ZNF33B: variants seen among roughly 807,000 people sequenced by gnomAD.
ZNF33B encodes the protein zinc finger protein 33B, also known as zinc finger protein 11b (KOX 2).
A neutral mutation model predicts 45.8 loss-of-function variants in ZNF33B; 29 were observed. The observed-to-expected ratio is 0.63, with a 90% confidence interval of 0.47 to 0.86. The LOEUF is 0.86. Ranked by LOEUF, ZNF33B falls within the 40% of genes least tolerant of loss-of-function variation. The pLI, the probability that ZNF33B is intolerant of heterozygous loss-of-function variation, is 0.00. For missense variants in ZNF33B, 831 were observed against 909.9 expected (o/e 0.91, Z 1.12); for synonymous variants, 305 against 307.8 (o/e 0.99, Z 0.10).
chr10:42,592,563 C>CT lies in ZNF33B; in HGVS notation c.*49dup, dbSNP rs778329067. On this transcript the variant is annotated 3_prime_UTR_variant, in exon 5 of 5. Coordinates refer to ENST00000359467, the MANE Select transcript of ZNF33B (RefSeq NM_006955.3). ...GGCCCTTCTCCACAGTGTGAAGACT[C>CT]TGAGGCATTATGGAGGCTGACTTGT... 2.5e-6 allele frequency: 4 copies of CT among 1,579,740 alleles called. No individual in the cohort carries two copies. Among genetic ancestry groups the CT allele is most frequent in the East Asian group, 4.5e-5 (2 of 44,734 alleles).
intron 2 of ZNF33B, among the ~76,000 whole-genome samples, chr10:42,634,941 T>C (rs780601797): frequency 8.5e-5 from 13 of 152,296 alleles, no homozygotes; most frequent in African/African-American, 3.1e-4. Context: ...ACTTTTTCTG[T>C]AAAAAATCAG....
At chr10:42,619,867 A>C (rs115476920) in intron 4 of ZNF33B, among the ~76,000 whole-genome samples, 2,586 of 152,260 alleles carry the variant, frequency 0.017, 78 homozygotes, top group African/African-American at 0.059. Flanking sequence ...TATCTTAAAA[A>C]TGTACACAGA....
At chr10:42,584,192 C>A (rs1836882117), downstream of ZNF33B, among the ~76,000 whole-genome samples, 1 of 152,228 alleles carries the variant, frequency 6.6e-6, no homozygotes, top group Admixed American at 6.5e-5. Flanking sequence ...ACAGGACCAA[C>A]TCTTGGAGGG....
chr10:42,596,115 C>A (rs1388562408), intron 4 of ZNF33B, among the ~76,000 whole-genome samples: 2 of 151,614 alleles, frequency 1.3e-5, no homozygotes, highest in Middle Eastern at 3.4e-3. Context: ...TATGTTATTG[C>A]AGTCCTTAAA....
At chr10:42,577,004 G>A (rs1268442314) in intron 1 of ZNF33B, among the ~76,000 whole-genome samples, 6 of 152,088 alleles carry the variant, frequency 3.9e-5, no homozygotes, top group South Asian at 2.1e-4. Flanking sequence ...GTGGTGGCAG[G>A]CGCCTGTAGT....
intron 1 of ZNF33B, chr10:42,578,706 A>G (rs1183576917): frequency 6.6e-6 from 1 of 152,314 alleles, no homozygotes; most frequent in Non-Finnish European, 1.5e-5. Context: ...ACCACCTCTA[A>G]CATCCAGTCC....
At chr10:42,610,261 CAT>C (rs1240461242) in intron 4 of ZNF33B, among the ~76,000 whole-genome samples, 1 of 152,190 alleles carries the variant, frequency 6.6e-6, no homozygotes, top group Non-Finnish European at 1.5e-5. Flanking sequence ...TCCGGCCAGG[CAT>C]AATGGCTCAA....
At chr10:42,622,549 G>C (rs1589060483) in intron 4 of ZNF33B, among the ~76,000 whole-genome samples, 2 of 152,150 alleles carry the variant, frequency 1.3e-5, no homozygotes, top group Non-Finnish European at 2.9e-5. Flanking sequence ...ACTGATTTTT[G>C]ACAAGGGCGT....
chr10:42,580,449 G>T (rs1379120145), intron 1 of ZNF33B, among the ~76,000 whole-genome samples: 1 of 151,832 alleles, frequency 6.6e-6, no homozygotes, highest in Non-Finnish European at 1.5e-5. Context: ...TGTTGGCCAG[G>T]CTGGTCTTGA....
chr10:42,626,565 G>A (rs1365477227), intron 4 of ZNF33B, among the ~76,000 whole-genome samples: 1 of 152,062 alleles, frequency 6.6e-6, no homozygotes, highest in Admixed American at 6.6e-5. Context: ...GCATGCGCCT[G>A]TAGTCACAGC....
intron 4 of ZNF33B, among the ~76,000 whole-genome samples, chr10:42,607,423 G>A (rs1837909079): frequency 6.6e-6 from 1 of 152,060 alleles, no homozygotes; most frequent in Non-Finnish European, 1.5e-5. Flanking sequence ...ATTACCTGAT[G>A]GGTGCAATGT....
chr10:42,601,954 A>G (rs158369), intron 4 of ZNF33B, among the ~76,000 whole-genome samples: 23,436 of 122,516 alleles, frequency 0.19, 3,255 homozygotes, highest in African/African-American at 0.42. Context: ...GTCTCACTCC[A>G]TCACCCAGGC....
intron 1 of ZNF33B, among the ~76,000 whole-genome samples, chr10:42,575,425 T>C (rs751054158): frequency 2.6e-5 from 4 of 152,154 alleles, no homozygotes; most frequent in Admixed American, 6.5e-5. Flanking sequence ...GCCCTGCCTA[T>C]GGATTTTGCA....
intron 1 of ZNF33B, among the ~76,000 whole-genome samples, chr10:42,581,148 C>T (rs761073733): frequency 2.0e-5 from 3 of 152,072 alleles, no homozygotes; most frequent in Non-Finnish European, 2.9e-5. Context: ...TTTCTTTATG[C>T]ACCCAGTCCA....
chr10:42,577,410 CCTT>C (rs1476297686), intron 1 of ZNF33B, among the ~76,000 whole-genome samples: 1 of 152,164 alleles, frequency 6.6e-6, no homozygotes, highest in African/African-American at 2.4e-5. Flanking sequence ...CCTACCGTCT[CCTT>C]CTCCCCTGTG....
downstream of ZNF33B, among the ~76,000 whole-genome samples, chr10:42,586,381 C>T (rs778416504): frequency 3.9e-5 from 6 of 152,116 alleles, no homozygotes; most frequent in Non-Finnish European, 5.9e-5. Context: ...GATCTCCTGA[C>T]CTCATGATCT....
chr10:42,576,952 A>G (rs35392455), intron 1 of ZNF33B, among the ~76,000 whole-genome samples: 19,601 of 151,862 alleles, frequency 0.13, 1,607 homozygotes, highest in African/African-American at 0.23. Flanking sequence ...GACCAACAAG[A>G]TGAAACCCTG....
chr10:42,600,074 T>A (rs1837556662), intron 4 of ZNF33B, among the ~76,000 whole-genome samples: 1 of 152,114 alleles, frequency 6.6e-6, no homozygotes, highest in African/African-American at 2.4e-5. Flanking sequence ...TTCAATCCTT[T>A]TATATTTATT....
chr10:42,581,690 G>A (rs116358223), intron 1 of ZNF33B: 1 of 152,144 alleles, frequency 6.6e-6, no homozygotes, highest in Non-Finnish European at 1.5e-5. Flanking sequence ...GACATATTGA[G>A]AGAATAGATG....
Sources: gnomAD v4.1 joint callset for allele counts (sites outside exome capture counted in the v4.1 genomes callset) on GRCh38, gnomAD v4.1.1 for gene constraint, MANE v1.5 for transcripts, NCBI Gene and HGNC (gene_info 2026-07-23, HGNC 2026-07-21) for gene names.